The following SCFD2 variants were observed in gnomAD, a reference collection of about 807,000 sequenced individuals.
SCFD2 encodes the protein sec1 family domain containing 2.
In SCFD2, 54 loss-of-function variants were observed where a neutral mutation model predicts 58.9. The observed-to-expected ratio is 0.92, with a 90% CI of 0.74 to 1.15. The LOEUF (loss-of-function observed/expected upper bound fraction) is 1.15, where lower values mean the gene tolerates loss of function less well. Ranked by LOEUF, SCFD2 falls within the 50% of genes most tolerant of loss-of-function variation. The pLI, the probability that SCFD2 is intolerant of heterozygous loss-of-function variation, is 0.00. For synonymous variants in SCFD2, 321 were observed against 335.9 expected (o/e 0.96, Z 0.49); for missense variants, 805 against 836.6 (o/e 0.96, Z 0.47).
At chr4:52,968,178 T>C (rs1721004965) in intron 5 of SCFD2, among the ~76,000 whole-genome samples, 1 of 152,206 alleles carries the variant, frequency 6.6e-6, no homozygotes, top group African/African-American at 2.4e-5. Context: ...TCATCTCTGC[T>C]CTCATTTAGA....
intron 5 of SCFD2, chr4:52,956,341 T>A (rs1023157492): frequency 2.4e-6 from 1 of 409,148 alleles, no homozygotes; most frequent in African/African-American, 2.1e-5. Flanking sequence ...AAGGGGACTA[T>A]GTTAGATAGG....
intron 7 of SCFD2, among the ~76,000 whole-genome samples, chr4:52,900,730 C>A (rs971044371): frequency 6.6e-6 from 1 of 152,230 alleles, no homozygotes; most frequent in Non-Finnish European, 1.5e-5. Context: ...CTGTGCCCTG[C>A]CCCCAGAGGT....
intron 7 of SCFD2, among the ~76,000 whole-genome samples, chr4:52,893,204 CT>C (rs1718917923): frequency 6.6e-6 from 1 of 151,934 alleles, no homozygotes. Context: ...CTCTCCTCTC[CT>C]CTCCCTTTCT....
intron 3 of SCFD2, among the ~76,000 whole-genome samples, chr4:53,298,180 G>C (rs1217845198): frequency 6.6e-6 from 1 of 152,136 alleles, no homozygotes; most frequent in Non-Finnish European, 1.5e-5. Context: ...AGGGGTCAGG[G>C]AATTCCCTTT....
chr4:53,012,961 A>T (rs1722131497), intron 5 of SCFD2, among the ~76,000 whole-genome samples: 1 of 152,120 alleles, frequency 6.6e-6, no homozygotes, highest in Non-Finnish European at 1.5e-5. Context: ...TATTTATGAC[A>T]GGAAGGGGCC....
At chr4:52,987,826 C>T (rs766828762) in intron 5 of SCFD2, among the ~76,000 whole-genome samples, 1 of 152,106 alleles carries the variant, frequency 6.6e-6, no homozygotes. Flanking sequence ...ACACATAAAA[C>T]GCCGCAATGC....
chr4:53,004,780 A>C (rs1721937186), intron 5 of SCFD2, among the ~76,000 whole-genome samples: 1 of 152,154 alleles, frequency 6.6e-6, no homozygotes, highest in Non-Finnish European at 1.5e-5. Context: ...ATGGTGCACC[A>C]CTGGAAGTAA....
intron 5 of SCFD2, among the ~76,000 whole-genome samples, chr4:52,940,387 G>A (rs553599452): frequency 1.3e-5 from 2 of 152,194 alleles, no homozygotes; most frequent in Non-Finnish European, 2.9e-5. Flanking sequence ...TGGCTCTCCT[G>A]AGTGGAAATG....
chr4:53,242,154 G>A (rs1220581315), intron 4 of SCFD2, among the ~76,000 whole-genome samples: 5 of 152,258 alleles, frequency 3.3e-5, no homozygotes, highest in Non-Finnish European at 7.3e-5. Context: ...TGCAGCTAGT[G>A]CTGCTAGTAT....
chr4:53,195,762 T>G lies in SCFD2; in HGVS notation c.1312-50180A>C, dbSNP rs148733521. Among the ~76,000 whole-genome samples the G allele has an allele frequency of 2.0e-3, 309 of 152,236 alleles. 1 individual carries two copies. Among genetic ancestry groups the G allele is most frequent in the African/African-American group, 7.1e-3 (296 of 41,542 alleles). ...AACAAGCCTGAAGAAAAAAGTTAAT[T>G]TAGTGATAGTGCCCTGTTATTACAC... On this transcript the variant is annotated intron_variant, in intron 4 of 8. Transcript: ENST00000401642.
chr4:53,181,248 A>C lies in SCFD2; in HGVS notation c.1312-35666T>G, dbSNP rs941168986. The stretch of plus-strand genomic sequence containing the variant: ...ATATCCTTGATGAACATCGATGCAA[A>C]AATCCTCAATAAAATCCTGCAAACT... On this transcript the variant is annotated intron_variant, in intron 4 of 8. Coordinates refer to ENST00000401642, the MANE Select transcript of SCFD2 (RefSeq NM_152540.4). Among the ~76,000 whole-genome samples the C allele has an allele frequency of 4.6e-4, 70 of 152,226 alleles. 1 individual carries two copies. Among genetic ancestry groups the C allele is most frequent in the Non-Finnish European group, 1.2e-4 (8 of 68,042 alleles).
At position 53,113,519 on chromosome 4, in the gene SCFD2, T is replaced by G. The variant is rs184233194; in HGVS notation, c.1561+31814A>C. Among the ~76,000 whole-genome samples the G allele has an allele frequency of 9.9e-5, 15 of 152,272 alleles. No individual in the cohort carries two copies. In the East Asian group the frequency reaches 2.9e-3, roughly 29 times the overall value. ...AGCCACTGAAATGTTAAGGCTGTTA[T>G]TTCAAAATAATCTGTCTTATCCTGA... On this transcript the variant is annotated intron_variant, in intron 5 of 8. Coordinates refer to ENST00000401642, the MANE Select transcript of SCFD2 (RefSeq NM_152540.4).
chr4:53,242,334 G>A (rs766739917), intron 4 of SCFD2, among the ~76,000 whole-genome samples: 4 of 152,180 alleles, frequency 2.6e-5, no homozygotes, highest in East Asian at 3.8e-4. Context: ...CCAGTCACCC[G>A]AAGTTAGAAC....
At chr4:52,960,064 G>A (rs1720809679) in intron 5 of SCFD2, among the ~76,000 whole-genome samples, 1 of 152,028 alleles carries the variant, frequency 6.6e-6, no homozygotes, top group Non-Finnish European at 1.5e-5. Context: ...CTGAATTTAT[G>A]TTCCTATTTT....
At chr4:53,002,162 C>T (rs1194287679) in intron 5 of SCFD2, among the ~76,000 whole-genome samples, 1 of 152,052 alleles carries the variant, frequency 6.6e-6, no homozygotes, top group Non-Finnish European at 1.5e-5. Context: ...CAAGAGAGGC[C>T]CCTTGTGAGA....
At position 52,941,976 on chromosome 4, in the gene SCFD2, G is replaced by C. The variant is rs183105202; in HGVS notation, c.1562-21106C>G. On this transcript the variant is annotated intron_variant, in intron 5 of 8. Coordinates refer to ENST00000401642, the MANE Select transcript of SCFD2 (RefSeq NM_152540.4). ...TGAGTATCATGCCAGAGCTCAAAATGTTTCAGATTTTGGAGCATATTGAAT... is the reference window on the plus strand; with the variant it reads ...TGAGTATCATGCCAGAGCTCAAAATCTTTCAGATTTTGGAGCATATTGAAT... 9.2e-5 allele frequency among the ~76,000 whole-genome samples: 14 copies of C among 152,188 alleles called. 1 individual carries two copies. Among genetic ancestry groups the C allele is most frequent in the Non-Finnish European group, 1.9e-4 (13 of 68,030 alleles).
chr4:53,236,794 ACTT>A (rs1729627413), intron 4 of SCFD2, among the ~76,000 whole-genome samples: 1 of 149,596 alleles, frequency 6.7e-6, no homozygotes, highest in Middle Eastern at 3.3e-3. Flanking sequence ...ATTTCTAACT[ACTT>A]AAAGTCACTG....
At chr4:53,175,926 T>C (rs1727315005) in intron 4 of SCFD2, among the ~76,000 whole-genome samples, 1 of 152,198 alleles carries the variant, frequency 6.6e-6, no homozygotes, top group Non-Finnish European at 1.5e-5. Flanking sequence ...TCATTAAGGC[T>C]CTAAACCCAA....
At chr4:53,201,729 A>C (rs1728246553) in intron 4 of SCFD2, among the ~76,000 whole-genome samples, 1 of 152,228 alleles carries the variant, frequency 6.6e-6, no homozygotes, top group East Asian at 1.9e-4. Flanking sequence ...AACTGGTGGG[A>C]GATGGTATCT....
Sources: allele counts gnomAD v4.1 joint callset (sites outside exome capture counted in the v4.1 genomes callset), GRCh38; gene constraint gnomAD v4.1.1; transcripts MANE v1.5; gene names NCBI Gene and HGNC (gene_info 2026-07-23, HGNC 2026-07-21).